The following COL28A1 variants were observed in gnomAD, a reference collection of about 807,000 sequenced individuals.
COL28A1 encodes the protein collagen type XXVIII alpha 1 chain, also known as collagen alpha-1(XXVIII) chain.
COL28A1 carries 161 observed loss-of-function variants against 150.2 expected under a neutral mutation model. The ratio of observed to expected loss-of-function variants is 1.07; its 90% CI spans 0.94 to 1.22. The LOEUF (loss-of-function observed/expected upper bound fraction) is 1.22, where lower values mean the gene tolerates loss of function less well. Among genes scored for constraint, COL28A1 ranks in the 50% most tolerant of loss-of-function variants. The probability of loss-of-function intolerance (pLI) is 0.00; values close to 1 mark genes in which losing one functional copy is unlikely to be tolerated. For synonymous variants in COL28A1, 552 were observed against 469.7 expected (o/e 1.18, Z -2.26); for missense variants, 1,617 against 1,388.3 (o/e 1.16, Z -2.62).
At chr7:7,372,936 T>G (rs888470673) in intron 32 of COL28A1, 62 bp downstream of exon 32, 28 of 1,415,698 alleles carry the variant, frequency 2.0e-5, no homozygotes, top group Non-Finnish European at 2.4e-5. Context: ...GACAAACCAG[T>G]GATATGGTAC....
intron 27 of COL28A1, among the ~76,000 whole-genome samples, chr7:7,408,387 CAA>C (rs1294035669): frequency 6.6e-6 from 1 of 151,978 alleles, no homozygotes; most frequent in Non-Finnish European, 1.5e-5. Context: ...ATAATTAAAA[CAA>C]AAAGACTTAT....
At chr7:7,486,540 T>C (rs928423536) in intron 13 of COL28A1, among the ~76,000 whole-genome samples, 8 of 152,344 alleles carry the variant, frequency 5.3e-5, no homozygotes, top group African/African-American at 1.9e-4. Context: ...GCATTCACTC[T>C]TTCACTATTA....
At chr7:7,343,140 T>A in the COL28A1 span, among the ~76,000 whole-genome samples, 1 of 151,856 alleles carries the variant, frequency 6.6e-6, no homozygotes, top group Non-Finnish European at 1.5e-5. Context: ...TTTGGTCTCG[T>A]CTTTAGTATT....
intron 14 of COL28A1, among the ~76,000 whole-genome samples, chr7:7,475,179 T>A (rs918955065): frequency 1.1e-4 from 17 of 152,218 alleles, no homozygotes; most frequent in Non-Finnish European, 2.1e-4. Context: ...TTCTTAGATA[T>A]GCTCCTACAG....
At chr7:7,454,690 C>T (rs1787001139) in intron 16 of COL28A1, among the ~76,000 whole-genome samples, 1 of 152,100 alleles carries the variant, frequency 6.6e-6, no homozygotes, top group African/African-American at 2.4e-5. Flanking sequence ...CATATTTAGC[C>T]CCATAGTGGT....
In COL28A1 at chr7:7,432,692, T is replaced by C; in HGVS notation, c.1869A>G (p.Gln623=). The C allele has an allele frequency of 6.2e-7, 1 of 1,613,378 alleles. No individual in the cohort carries two copies. The highest frequency in any genetic ancestry group is 8.5e-7 in the Non-Finnish European group (1 of 1,179,684). Reference sequence around the variant, plus strand: ...GAGCACCCACTGGTCCCCGAGGGCCTTGGACACCCTGGGTAAATTCCAACA... The same window carrying C: ...GAGCACCCACTGGTCCCCGAGGGCCCTGGACACCCTGGGTAAATTCCAACA... ...GLSIRGPKGV[Q]GPRGPVGAPG... The change falls in exon 24 of 35, where the codon CAA becomes CAG. Residue 623 remains glutamine (Q), a synonymous_variant. Transcript: ENST00000399429.
At chr7:7,428,404 G>A (rs1011781986) in intron 25 of COL28A1, among the ~76,000 whole-genome samples, 1 of 152,194 alleles carries the variant, frequency 6.6e-6, no homozygotes, top group African/African-American at 2.4e-5. Flanking sequence ...GAACTCAGGA[G>A]AGCCACGTCT....
chr7:7,354,304 T>C (rs1446738265), downstream of COL28A1, among the ~76,000 whole-genome samples: 1 of 152,146 alleles, frequency 6.6e-6, no homozygotes, highest in Non-Finnish European at 1.5e-5. Flanking sequence ...AAAAAAAATT[T>C]ATTTTAAGCA....
chr7:7,386,519 C>G (rs545775137), intron 27 of COL28A1, among the ~76,000 whole-genome samples: 1 of 152,352 alleles, frequency 6.6e-6, no homozygotes, highest in South Asian at 2.1e-4. Context: ...CAAGGAGACA[C>G]AGGCTTGGAA....
At chr7:7,487,731 T>C (rs1779705334) in intron 13 of COL28A1, among the ~76,000 whole-genome samples, 1 of 152,204 alleles carries the variant, frequency 6.6e-6, no homozygotes. Flanking sequence ...TTTGATATTC[T>C]TCATAAGCGG....
chr7:7,485,334 AT>A (rs967498731), intron 13 of COL28A1, among the ~76,000 whole-genome samples: 9 of 151,910 alleles, frequency 5.9e-5, no homozygotes, highest in Admixed American at 2.0e-4. Context: ...AGTTTTGAGA[AT>A]TTTTTTTAAA....
At chr7:7,443,459 C>A in intron 20 of COL28A1, 126 bp downstream of exon 20, 1 of 1,414,438 alleles carries the variant, frequency 7.1e-7, no homozygotes, top group South Asian at 1.5e-5. Context: ...AGACAGTATT[C>A]ATACTTTTAA....
chr7:7,506,198 C>G, intron 10 of COL28A1, 131 bp from the exon 11 acceptor site: 1 of 598,576 alleles, frequency 1.7e-6, no homozygotes, highest in Middle Eastern at 2.7e-4. Flanking sequence ...ATTGAAATCA[C>G]ATTCAATCGA....
the COL28A1 span, among the ~76,000 whole-genome samples, chr7:7,350,883 A>G: frequency 2.0e-5 from 3 of 152,132 alleles, no homozygotes; most frequent in Non-Finnish European, 2.9e-5. Context: ...AAATAATGTC[A>G]AGAAACTGAG....
intron 25 of COL28A1, among the ~76,000 whole-genome samples, chr7:7,421,204 A>G (rs1784377027): frequency 6.6e-6 from 1 of 152,248 alleles, no homozygotes; most frequent in South Asian, 2.1e-4. Flanking sequence ...TACTGATGAA[A>G]GAAGCCAGAT....
intron 3 of COL28A1, among the ~76,000 whole-genome samples, chr7:7,525,279 A>C (rs1350396652): frequency 6.6e-6 from 1 of 152,248 alleles, no homozygotes; most frequent in Non-Finnish European, 1.5e-5. Flanking sequence ...TGAATTAGCC[A>C]GAATATTTTT....
chr7:7,522,915 G>A (rs1164338146), intron 4 of COL28A1, among the ~76,000 whole-genome samples: 1 of 150,946 alleles, frequency 6.6e-6, no homozygotes, highest in African/African-American at 2.4e-5. Flanking sequence ...ATCCTGGGCT[G>A]CATGTAGCCT....
chr7:7,464,219 C>T (rs1787866059), intron 15 of COL28A1, among the ~76,000 whole-genome samples: 1 of 152,152 alleles, frequency 6.6e-6, no homozygotes, highest in African/African-American at 2.4e-5. Flanking sequence ...TAGTGGGGCA[C>T]TTCAATACTG....
At chr7:7,405,999 AAC>A (rs1277114102) in intron 27 of COL28A1, among the ~76,000 whole-genome samples, 1 of 152,200 alleles carries the variant, frequency 6.6e-6, no homozygotes, top group African/African-American at 2.4e-5. Context: ...ATTCATGTCA[AAC>A]AAGTACATTC....
Sources: allele counts gnomAD v4.1 joint callset (sites outside exome capture counted in the v4.1 genomes callset), GRCh38; gene constraint gnomAD v4.1.1; transcripts MANE v1.5; gene names NCBI Gene and HGNC (gene_info 2026-07-23, HGNC 2026-07-21).